The following KCNMA1 variants were observed in gnomAD, a reference collection of about 807,000 sequenced individuals.
KCNMA1 encodes the protein Calcium-activated potassium channel subunit alpha-1.
KCNMA1 carries 29 observed loss-of-function variants against 140.0 expected under a neutral mutation model. The observed-to-expected ratio is 0.21, with a 90% CI of 0.15 to 0.28. The LOEUF is 0.28. Ranked by LOEUF, KCNMA1 falls within the 10% of genes least tolerant of loss-of-function variation. The pLI is 1.00. For missense variants in KCNMA1, 880 were observed against 1,602.2 expected, an observed-to-expected ratio of 0.55 and a Z score of 7.70; for synonymous variants, 612 against 611.9, an observed-to-expected ratio of 1.00 and a Z score of 0.00.
chr10:77,540,969 C>T (rs145701797), intron 1 of KCNMA1, among the ~76,000 whole-genome samples: 2,371 of 150,396 alleles, frequency 0.016, 69 homozygotes, highest in African/African-American at 0.055. Flanking sequence ...CGCACCACTG[C>T]ACTCCAGCTT....
intron 14 of KCNMA1, among the ~76,000 whole-genome samples, chr10:77,063,512 A>G (rs1203118930): frequency 6.6e-6 from 1 of 152,196 alleles, no homozygotes; most frequent in Non-Finnish European, 1.5e-5. Flanking sequence ...CTATAATTCC[A>G]AAGTTCTTAA....
At chr10:76,878,937 G>T (rs1437015874) in intron 29 of KCNMA1, among the ~76,000 whole-genome samples, 1 of 151,958 alleles carries the variant, frequency 6.6e-6, no homozygotes, top group Non-Finnish European at 1.5e-5. Flanking sequence ...GGAAAGAAAA[G>T]AAAAAGAAAA....
intron 24 of KCNMA1, chr10:76,914,654 C>T: frequency 5.1e-6 from 2 of 391,366 alleles, no homozygotes; most frequent in Non-Finnish European, 9.6e-6. Context: ...CCTCTCCATT[C>T]CCAATTGAAT....
At chr10:77,337,007 T>C (rs550357052) in intron 2 of KCNMA1, among the ~76,000 whole-genome samples, 1 of 152,320 alleles carries the variant, frequency 6.6e-6, no homozygotes, top group Admixed American at 6.5e-5. Flanking sequence ...CTCCCAATTC[T>C]AACTTAGAGA....
chr10:77,283,236 C>T (rs1413521242), intron 2 of KCNMA1, among the ~76,000 whole-genome samples: 2 of 152,210 alleles, frequency 1.3e-5, no homozygotes, highest in Non-Finnish European at 1.5e-5. Context: ...ACACCTTCTT[C>T]TTTCTGCACC....
At chr10:76,921,166 G>A (rs1291040835) in intron 23 of KCNMA1, among the ~76,000 whole-genome samples, 1 of 152,116 alleles carries the variant, frequency 6.6e-6, no homozygotes, top group East Asian at 1.9e-4. Flanking sequence ...CTTTTATTGT[G>A]TGCATATAAA....
At chr10:77,188,927 C>T (rs745927291) in intron 3 of KCNMA1, among the ~76,000 whole-genome samples, 17 of 152,070 alleles carry the variant, frequency 1.1e-4, no homozygotes, top group Admixed American at 5.2e-4. Flanking sequence ...AAGGATCACC[C>T]GCTCCTCACA....
At position 77,039,883 on chromosome 10, in the gene KCNMA1, CTTTTTTTTTT is replaced by C. The variant is rs34943268; in HGVS notation, c.1750-256_1750-247del. ...TCTTTCCTTTTTCTTTTTTCTTTTT[CTTTTTTTTTT>C]TTTTTTTTTTTTTGAGACAGGGTCT... is the stretch of plus-strand genomic sequence containing the variant. On this transcript the variant is annotated intron_variant, in intron 14 of 27. Transcript: ENST00000286628. Among the ~76,000 whole-genome samples the C allele has an allele frequency of 1.5e-4, 12 of 78,956 alleles. No homozygotes were observed. The Admixed American group carries it at 2.0e-3, about 13-fold the overall frequency. The allele number at this position is 78,956 out of a possible 152,430, so 51.8% of individuals were successfully genotyped here. A position where few individuals can be genotyped will look rare whatever the true frequency, so the allele number is the denominator to read the frequency against.
chr10:77,374,094 C>T (rs2094923344), intron 2 of KCNMA1, among the ~76,000 whole-genome samples: 5 of 152,318 alleles, frequency 3.3e-5, no homozygotes, highest in African/African-American at 1.2e-4. Flanking sequence ...TGTCCACAAT[C>T]ACCCAGACTC....
At chr10:77,193,098 G>C (rs1452880664) in intron 3 of KCNMA1, among the ~76,000 whole-genome samples, 1 of 151,442 alleles carries the variant, frequency 6.6e-6, no homozygotes, top group Admixed American at 6.6e-5. Flanking sequence ...GGCTTAGCAC[G>C]GATCTACATA....
rs1409388197 is a variant in KCNMA1, at chr10:77,121,064, A to G, written c.809-16T>C. On this transcript the variant is annotated splice_polypyrimidine_tract_variant and intron_variant, in intron 5 of 27. Transcript: ENST00000286628. The stretch of plus-strand genomic sequence containing the variant: ...AATCTCAAACCTGGAAAAAAGAATG[A>G]AATAGAGATGCATTATTTTCAATGT... 2.1e-6 allele frequency: 3 copies of G among 1,434,624 alleles called. No individual in the cohort carries two copies. Among genetic ancestry groups the G allele is most frequent in the Admixed American group, 3.3e-5 (2 of 59,752 alleles). The allele number at this position is 1,434,624 out of a possible 1,614,324, so 88.9% of individuals were successfully genotyped here. A position where few individuals can be genotyped will look rare whatever the true frequency, so the allele number is the denominator to read the frequency against.
At chr10:77,378,633 C>T (rs2095268804) in intron 2 of KCNMA1, among the ~76,000 whole-genome samples, 1 of 152,194 alleles carries the variant, frequency 6.6e-6, no homozygotes, top group Admixed American at 6.5e-5. Flanking sequence ...CTCTCTGATC[C>T]TCAGCTTCCT....
chr10:77,247,735 T>C (rs571804065), intron 3 of KCNMA1, among the ~76,000 whole-genome samples: 1 of 152,292 alleles, frequency 6.6e-6, no homozygotes, highest in East Asian at 1.9e-4. Context: ...TCAATGCTTG[T>C]CTGTGCTTGT....
intron 2 of KCNMA1, among the ~76,000 whole-genome samples, chr10:77,403,214 C>A (rs1018726014): frequency 4.6e-5 from 7 of 152,268 alleles, no homozygotes; most frequent in Admixed American, 3.9e-4. Flanking sequence ...TGGAAACATA[C>A]AGAGAAGGGG....
chr10:77,233,232 A>G (rs969984690), intron 3 of KCNMA1, among the ~76,000 whole-genome samples: 14 of 152,250 alleles, frequency 9.2e-5, no homozygotes, highest in Admixed American at 3.9e-4. Flanking sequence ...ACTGATCTAT[A>G]TGTCCAGAAT....
intron 1 of KCNMA1, among the ~76,000 whole-genome samples, chr10:77,632,191 ATGCC>A (rs1425588642): frequency 2.6e-5 from 4 of 152,182 alleles, no homozygotes; most frequent in Admixed American, 6.5e-5. Context: ...CAGCCACGCC[ATGCC>A]TGCTGATTTT....
At chr10:77,221,827 A>T in intron 3 of KCNMA1, among the ~76,000 whole-genome samples, 1 of 152,226 alleles carries the variant, frequency 6.6e-6, no homozygotes, top group East Asian at 1.9e-4. Context: ...TTAAAGGACT[A>T]GACTGTACCC....
rs1384416892 is a variant in KCNMA1, at chr10:76,885,198, T to A, written c.*2068A>T. ...ATGATCCAATACTAGGGGATACATA[T>A]ATATAGTTATATATATAGTTATATA... On this transcript the variant is annotated 3_prime_UTR_variant, in exon 28 of 28. Coordinates refer to ENST00000286628, the MANE Select transcript of KCNMA1 (RefSeq NM_001161352.2). 1 of 672,324 alleles carries A rather than the reference T, an allele frequency of 1.5e-6. No homozygotes were observed. Among genetic ancestry groups the A allele is most frequent in the Non-Finnish European group, 1.9e-6 (1 of 532,368 alleles). The allele number at this position is 672,324 out of a possible 1,614,324, so 41.6% of individuals were successfully genotyped here.
At chr10:77,054,045 G>C (rs2095464229) in intron 14 of KCNMA1, among the ~76,000 whole-genome samples, 1 of 152,070 alleles carries the variant, frequency 6.6e-6, no homozygotes, top group South Asian at 2.1e-4. Context: ...TAACAGGAAG[G>C]GTGAGGGCTG....
Sources: allele counts gnomAD v4.1 joint callset (sites outside exome capture counted in the v4.1 genomes callset), GRCh38; gene constraint gnomAD v4.1.1; transcripts MANE v1.5; gene names NCBI Gene and HGNC (gene_info 2026-07-23, HGNC 2026-07-21).